Variants in TENM3 observed in about 807,000 individuals in gnomAD.
The protein encoded by TENM3 is teneurin transmembrane protein 3.
TENM3 carries 63 observed loss-of-function variants against 255.1 expected under a neutral mutation model. The ratio of observed to expected loss-of-function variants is 0.25; its 90% confidence interval spans 0.20 to 0.30. The LOEUF (loss-of-function observed/expected upper bound fraction) is 0.30, where lower values mean the gene tolerates loss of function less well. Among genes scored for constraint, TENM3 ranks in the 10% least tolerant of loss-of-function variants. The probability of loss-of-function intolerance (pLI) is 1.00; values close to 1 mark genes in which losing one functional copy is unlikely to be tolerated. For missense variants in TENM3, 2,929 were observed against 3,461.1 expected (o/e 0.85, Z 3.86); for synonymous variants, 1,306 against 1,322.3 (o/e 0.99, Z 0.27).
At chr4:182,088,852 AG>A in the TENM3 span, among the ~76,000 whole-genome samples, 26 of 78,346 alleles carry the variant, frequency 3.3e-4, no homozygotes, top group Non-Finnish European at 6.0e-4. Flanking sequence ...AAAAAAAAAA[AG>A]AGAGAGACAG....
At chr4:182,734,105 T>C (rs1436104543) in intron 16 of TENM3, among the ~76,000 whole-genome samples, 1 of 152,166 alleles carries the variant, frequency 6.6e-6, no homozygotes, top group Non-Finnish European at 1.5e-5. Context: ...CGATAAAGAT[T>C]TTAATGAAGA....
the TENM3 span, among the ~76,000 whole-genome samples, chr4:181,761,346 C>T: frequency 2.6e-5 from 4 of 152,122 alleles, no homozygotes; most frequent in East Asian, 1.9e-4. Context: ...CATTTAGGAA[C>T]GAGGCCCAAC....
intron 2 of TENM3, among the ~76,000 whole-genome samples, chr4:182,332,337 G>A (rs2309684): frequency 0.7 from 105,954 of 152,054 alleles, 37,028 homozygotes; most frequent in African/African-American, 0.71. Context: ...TAATCATAGG[G>A]AAAACATTGT....
intron 3 of TENM3, among the ~76,000 whole-genome samples, chr4:182,477,942 A>T (rs1733833147): frequency 6.6e-6 from 1 of 152,182 alleles, no homozygotes; most frequent in Non-Finnish European, 1.5e-5. Flanking sequence ...CTAATTTGGT[A>T]CAAAGCAGAA....
At chr4:181,733,745 TAG>T in the TENM3 span, among the ~76,000 whole-genome samples, 3 of 152,192 alleles carry the variant, frequency 2.0e-5, no homozygotes, top group African/African-American at 7.2e-5. Context: ...TTCAGGTACT[TAG>T]AGTCCCCGGA....
chr4:182,420,389 T>C (rs1471806022), intron 3 of TENM3, among the ~76,000 whole-genome samples: 1 of 152,192 alleles, frequency 6.6e-6, no homozygotes, highest in African/African-American at 2.4e-5. Context: ...CAATAATTCA[T>C]TCATAACTTT....
At chr4:181,665,451 T>G in the TENM3 span, among the ~76,000 whole-genome samples, 1 of 152,342 alleles carries the variant, frequency 6.6e-6, no homozygotes, top group Non-Finnish European at 1.5e-5. Context: ...ACAAATATTA[T>G]ATGTGCATTT....
the TENM3 span, among the ~76,000 whole-genome samples, chr4:181,501,625 G>A: frequency 5.9e-5 from 9 of 152,084 alleles, no homozygotes; most frequent in South Asian, 1.0e-3. Context: ...TAATCTGCCC[G>A]CCTTGACCTC....
At chr4:182,363,959 T>C (rs1211183219) in intron 3 of TENM3, among the ~76,000 whole-genome samples, 2 of 152,112 alleles carry the variant, frequency 1.3e-5, no homozygotes, top group Non-Finnish European at 2.9e-5. Flanking sequence ...CAAAATATTT[T>C]CTTGTAATGG....
At chr4:182,583,570 A>G (rs1745714377) in intron 3 of TENM3, among the ~76,000 whole-genome samples, 1 of 152,090 alleles carries the variant, frequency 6.6e-6, no homozygotes, top group African/African-American at 2.4e-5. Flanking sequence ...AATATCAAAT[A>G]TAAGAATCGT....
At chr4:182,097,413 T>C in the TENM3 span, among the ~76,000 whole-genome samples, 1 of 152,128 alleles carries the variant, frequency 6.6e-6, no homozygotes, top group Non-Finnish European at 1.5e-5. Context: ...TAGTCACAAT[T>C]ATAGCCCAGG....
intron 3 of TENM3, among the ~76,000 whole-genome samples, chr4:182,409,815 CTTTTTCT>C (rs1240915702): frequency 3.5e-4 from 53 of 151,508 alleles, no homozygotes; most frequent in African/African-American, 1.2e-3. Context: ...ATTTTCTTCT[CTTTTTCT>C]TTTTTCTTTT....
the TENM3 span, among the ~76,000 whole-genome samples, chr4:181,510,429 T>A: frequency 3.3e-5 from 5 of 152,124 alleles, no homozygotes; most frequent in Admixed American, 6.5e-5. Context: ...AATTTTCTGG[T>A]CCATCCACCC....
intron 1 of TENM3, among the ~76,000 whole-genome samples, chr4:182,174,925 G>T (rs62352052): frequency 0.022 from 3,136 of 144,054 alleles, 41 homozygotes; most frequent in Non-Finnish European, 0.033. Context: ...TACAAGTATT[G>T]ATATTTTCAT....
the TENM3 span, among the ~76,000 whole-genome samples, chr4:181,673,755 C>T: frequency 6.6e-6 from 1 of 151,964 alleles, no homozygotes; most frequent in East Asian, 1.9e-4. Context: ...TAACTTCATT[C>T]TTAATTCAAA....
the TENM3 span, among the ~76,000 whole-genome samples, chr4:181,535,337 G>T: frequency 3.3e-5 from 5 of 152,218 alleles, no homozygotes; most frequent in Admixed American, 2.0e-4. Context: ...ACCAAATATT[G>T]GTCATGCAGC....
At chr4:182,689,310 G>A (rs1756832769) in intron 12 of TENM3, among the ~76,000 whole-genome samples, 1 of 152,096 alleles carries the variant, frequency 6.6e-6, no homozygotes, top group Non-Finnish European at 1.5e-5. Context: ...TTCTTCTTCC[G>A]ATGTATCCGT....
intron 1 of TENM3, among the ~76,000 whole-genome samples, chr4:182,214,226 C>T (rs1170310476): frequency 1.3e-5 from 2 of 152,154 alleles, no homozygotes; most frequent in East Asian, 3.9e-4. Context: ...GAAAAAGCAT[C>T]ATCCTAGTTT....
At chr4:181,476,352 C>G in the TENM3 span, among the ~76,000 whole-genome samples, 1 of 151,938 alleles carries the variant, frequency 6.6e-6, no homozygotes, top group Non-Finnish European at 1.5e-5. Context: ...TTTACCCATG[C>G]GGCTTTTAAT....
Sources: gnomAD v4.1 joint callset for allele counts (sites outside exome capture counted in the v4.1 genomes callset) on GRCh38, gnomAD v4.1.1 for gene constraint, MANE v1.5 for transcripts, NCBI Gene and HGNC (gene_info 2026-07-23, HGNC 2026-07-21) for gene names.